EGFR: variants seen among roughly 807,000 people sequenced by gnomAD.
EGFR encodes epidermal growth factor receptor, also known as avian erythroblastic leukemia viral (v-erb-b) oncogene homolog.
EGFR carries 58 observed loss-of-function variants against 143.0 expected under a neutral mutation model. The ratio of observed to expected loss-of-function variants is 0.41; its 90% CI spans 0.33 to 0.50. The LOEUF is 0.50. Ranked by LOEUF, EGFR falls within the 20% of genes least tolerant of loss-of-function variation. The probability of loss-of-function intolerance (pLI) is 0.39; values close to 1 mark genes in which losing one functional copy is unlikely to be tolerated. For synonymous variants in EGFR, 613 were observed against 594.4 expected (o/e 1.03, Z -0.45); for missense variants, 1,307 against 1,579.0 (o/e 0.83, Z 2.92).
intron 13 of EGFR, among the ~76,000 whole-genome samples, chr7:55,162,280 G>A (rs1417316035): frequency 4.6e-5 from 7 of 152,216 alleles, no homozygotes; most frequent in Non-Finnish European, 7.3e-5. Context: ...AGAGGCCAAG[G>A]CCATGTTTTA....
Position 55,094,364 on chromosome 7 carries a change from AG to A in EGFR, c.89-47915del, listed in dbSNP as rs1161356904. Among the ~76,000 whole-genome samples the A allele has an allele frequency of 1.1e-4, 16 of 152,188 alleles. No individual in the cohort carries two copies. In the East Asian group the frequency reaches 1.2e-3, roughly 11 times the overall value. On this transcript the variant is annotated intron_variant, in intron 1 of 27. Coordinates refer to ENST00000275493, the MANE Select transcript of EGFR (RefSeq NM_005228.5). ...GCTGTGGGCTGCCAGGTCGGGGGGC[AG>A]GGGGGGCCTCACTGTGCAGCCTCCT...
intron 1 of EGFR, among the ~76,000 whole-genome samples, chr7:55,110,753 G>A (rs1032997701): frequency 3.9e-5 from 6 of 152,232 alleles, no homozygotes; most frequent in South Asian, 2.1e-4. Context: ...TTTTAGCCCC[G>A]CTCTCCTTTC....
intron 1 of EGFR, among the ~76,000 whole-genome samples, chr7:55,068,550 TG>T (rs1411860100): frequency 2.6e-4 from 40 of 152,346 alleles, no homozygotes; most frequent in African/African-American, 9.1e-4. Flanking sequence ...CAGGGCACAG[TG>T]ATCCTCATCA....
chr7:55,128,962 A>C (rs990698921), intron 1 of EGFR, among the ~76,000 whole-genome samples: 1 of 152,240 alleles, frequency 6.6e-6, no homozygotes, highest in African/African-American at 2.4e-5. Flanking sequence ...TTGAAAACTT[A>C]TATATGATGT....
At chr7:55,025,832 G>T (rs1458182552) in intron 1 of EGFR, among the ~76,000 whole-genome samples, 2 of 152,144 alleles carry the variant, frequency 1.3e-5, no homozygotes, top group African/African-American at 4.8e-5. Context: ...TCAGCAACTG[G>T]TAATATAATA....
Position 55,211,534 on chromosome 7 carries a change from T to C in EGFR, c.*5917T>C, listed in dbSNP as rs568755098. ...TTATACTGTTGATCAGAAATGTTGA[T>C]TGTGCATTGAGTATTAAAAAATTAG... On this transcript the variant is annotated 3_prime_UTR_variant, in exon 28 of 28. Coordinates refer to ENST00000275493, the MANE Select transcript of EGFR (RefSeq NM_005228.5). The C allele has an allele frequency of 2.0e-5, 3 of 152,338 alleles. No homozygotes were observed. In the South Asian group the frequency reaches 6.2e-4, roughly 32 times the overall value. 9.4% of individuals were successfully genotyped at this position (152,338 alleles called of 1,614,324 possible).
At chr7:55,179,392 A>C (rs1786753013) in intron 19 of EGFR, among the ~76,000 whole-genome samples, 1 of 152,244 alleles carries the variant, frequency 6.6e-6, no homozygotes, top group Admixed American at 6.5e-5. Flanking sequence ...TTTCTGAAGG[A>C]AAAACTGCAA....
At chr7:55,194,234 T>C (rs1787524113) in intron 22 of EGFR, among the ~76,000 whole-genome samples, 1 of 150,688 alleles carries the variant, frequency 6.6e-6, no homozygotes, top group Middle Eastern at 3.4e-3. Flanking sequence ...AACTTTTTTT[T>C]TTTTTTTTTT....
At chr7:55,109,077 A>G (rs1417651879) in intron 1 of EGFR, among the ~76,000 whole-genome samples, 1 of 152,234 alleles carries the variant, frequency 6.6e-6, no homozygotes, top group Non-Finnish European at 1.5e-5. Context: ...GAGGGACAGC[A>G]TTTAGCAGAA....
At chr7:55,019,401 C>T (rs762204943) in intron 1 of EGFR, 36 bp downstream of exon 1, 1 of 1,336,292 alleles carries the variant, frequency 7.5e-7, no homozygotes, top group Non-Finnish European at 9.8e-7. Context: ...GCGCCGCCCC[C>T]GGATCGCGCC....
At chr7:55,201,005 T>C (rs1028296057) in intron 24 of EGFR, among the ~76,000 whole-genome samples, 183 bp from the exon 25 acceptor site, 1 of 152,222 alleles carries the variant, frequency 6.6e-6, no homozygotes, top group African/African-American at 2.4e-5. Flanking sequence ...TGTTTTATTT[T>C]AAGGCACCCA....
At chr7:55,137,048 A>G (rs1008668581) in intron 1 of EGFR, among the ~76,000 whole-genome samples, 5 of 152,240 alleles carry the variant, frequency 3.3e-5, no homozygotes, top group Non-Finnish European at 7.3e-5. Flanking sequence ...TTCCTACTTA[A>G]TAATAAGTAG....
chr7:55,164,376 G>A (rs1238147609), intron 14 of EGFR, among the ~76,000 whole-genome samples: 1 of 152,124 alleles, frequency 6.6e-6, no homozygotes, highest in Non-Finnish European at 1.5e-5. Flanking sequence ...AGGGAGCTCT[G>A]TTTTCTTGTG....
At chr7:55,118,970 C>A (rs1051775501) in intron 1 of EGFR, 1 of 152,102 alleles carries the variant, frequency 6.6e-6, no homozygotes, top group African/African-American at 2.4e-5. Context: ...TCCTACCTTT[C>A]CTCCAAAGTC....
intron 1 of EGFR, among the ~76,000 whole-genome samples, chr7:55,128,305 T>C (rs1793646490): frequency 6.6e-6 from 1 of 152,244 alleles, no homozygotes; most frequent in Non-Finnish European, 1.5e-5. Context: ...AGTTTATTAC[T>C]GAGAGTTAAA....
intron 1 of EGFR, among the ~76,000 whole-genome samples, chr7:55,086,892 C>G (rs1266019802): frequency 6.6e-6 from 1 of 152,210 alleles, no homozygotes; most frequent in African/African-American, 2.4e-5. Context: ...CTCTCCCTCA[C>G]GCTCTGCATC....
At chr7:55,023,696 A>C (rs930060408) in intron 1 of EGFR, among the ~76,000 whole-genome samples, 1 of 149,394 alleles carries the variant, frequency 6.7e-6, no homozygotes, top group Non-Finnish European at 1.5e-5. Flanking sequence ...GATCCATTCC[A>C]TTTTTGTTTT....
intron 1 of EGFR, among the ~76,000 whole-genome samples, chr7:55,131,406 C>T (rs903044582): frequency 2.6e-5 from 4 of 151,922 alleles, no homozygotes; most frequent in Admixed American, 6.6e-5. Flanking sequence ...GTGGACTGCT[C>T]ATTGGTAAAA....
intron 1 of EGFR, among the ~76,000 whole-genome samples, chr7:55,065,663 C>T (rs918701099): frequency 6.6e-6 from 1 of 152,076 alleles, no homozygotes; most frequent in Admixed American, 6.5e-5. Flanking sequence ...ATTCAACCAG[C>T]GATGAGTTCA....
Sources: allele counts gnomAD v4.1 joint callset (sites outside exome capture counted in the v4.1 genomes callset), GRCh38; gene constraint gnomAD v4.1.1; transcripts MANE v1.5; gene names NCBI Gene and HGNC (gene_info 2026-07-23, HGNC 2026-07-21).